Variants in ROBO2 observed in about 807,000 individuals in gnomAD.
The protein encoded by ROBO2 is roundabout homolog 2.
In ROBO2, 53 loss-of-function variants were observed where a neutral mutation model predicts 160.8. That is an observed-to-expected ratio of 0.33 (90% CI 0.26 to 0.41). ROBO2 has a LOEUF of 0.41. Ranked by LOEUF, ROBO2 falls within the 10% of genes least tolerant of loss-of-function variation. ROBO2 has a pLI of 1.00. For missense variants in ROBO2, 1,577 were observed against 1,722.4 expected, an observed-to-expected ratio of 0.92 and a Z score of 1.49; for synonymous variants, 664 against 611.7, an observed-to-expected ratio of 1.09 and a Z score of -1.26.
chr3:77,522,687 G>A, intron 5 of ROBO2, 88 bp from the exon 6 acceptor site: 1 of 1,378,162 alleles, frequency 7.3e-7, no homozygotes. Flanking sequence ...GTAAAATACA[G>A]TATAAAAAGA....
intron 2 of ROBO2, among the ~76,000 whole-genome samples, chr3:76,266,936 A>G (rs1198332902): frequency 3.3e-5 from 5 of 152,162 alleles, no homozygotes; most frequent in African/African-American, 1.2e-4. Context: ...CTGTGCATTC[A>G]ATTAGATATT....
At chr3:76,876,959 C>T (rs2072801574) in intron 2 of ROBO2, among the ~76,000 whole-genome samples, 1 of 151,938 alleles carries the variant, frequency 6.6e-6, no homozygotes, top group Non-Finnish European at 1.5e-5. Flanking sequence ...CTAGAGGATA[C>T]TATCATTTTT....
chr3:77,423,358 T>G (rs1350202984), intron 2 of ROBO2, among the ~76,000 whole-genome samples: 1 of 152,154 alleles, frequency 6.6e-6, no homozygotes, highest in Non-Finnish European at 1.5e-5. Context: ...GCTTTCAAAG[T>G]AGTTGCAGAA....
At chr3:76,176,051 GT>G (rs1483123630) in intron 2 of ROBO2, among the ~76,000 whole-genome samples, 1 of 151,902 alleles carries the variant, frequency 6.6e-6, no homozygotes, top group Non-Finnish European at 1.5e-5. Flanking sequence ...TGTCAAAAAT[GT>G]TTTATGGAAA....
chr3:76,459,897 C>T (rs2077989415), intron 2 of ROBO2, among the ~76,000 whole-genome samples: 1 of 152,024 alleles, frequency 6.6e-6, no homozygotes, highest in Non-Finnish European at 1.5e-5. Context: ...ATAATAACTT[C>T]TCCAAATGTG....
At chr3:76,471,420 A>T (rs949423099) in intron 2 of ROBO2, among the ~76,000 whole-genome samples, 120 of 152,240 alleles carry the variant, frequency 7.9e-4, no homozygotes, top group African/African-American at 2.7e-3. Context: ...TTACTCATAA[A>T]CTACAAGGGA....
intron 2 of ROBO2, among the ~76,000 whole-genome samples, chr3:76,680,699 G>C (rs1192443093): frequency 2.0e-5 from 3 of 151,958 alleles, no homozygotes; most frequent in Non-Finnish European, 4.4e-5. Flanking sequence ...AAATATTGTT[G>C]TCAAATATCA....
At chr3:77,200,385 C>A (rs2082792534) in intron 2 of ROBO2, among the ~76,000 whole-genome samples, 1 of 140,042 alleles carries the variant, frequency 7.1e-6, no homozygotes, top group South Asian at 2.4e-4. Flanking sequence ...AATCTGGTTA[C>A]TTTTGGTAGG....
At chr3:77,531,213 G>C (rs2091699823) in intron 6 of ROBO2, among the ~76,000 whole-genome samples, 1 of 152,102 alleles carries the variant, frequency 6.6e-6, no homozygotes, top group Admixed American at 6.6e-5. Flanking sequence ...TTCACAACTT[G>C]ATGGAAACTT....
chr3:76,388,044 C>T (rs938839218), intron 2 of ROBO2, among the ~76,000 whole-genome samples: 2 of 152,084 alleles, frequency 1.3e-5, no homozygotes, highest in South Asian at 2.1e-4. Context: ...GAGTTTCTTC[C>T]GGTAAACATA....
chr3:76,058,899 G>A (rs1469922633), intron 2 of ROBO2, among the ~76,000 whole-genome samples: 2 of 148,328 alleles, frequency 1.3e-5, no homozygotes, highest in South Asian at 2.1e-4. Flanking sequence ...AACATGTGGT[G>A]TTTGGTTTTT....
intron 2 of ROBO2, among the ~76,000 whole-genome samples, chr3:77,471,303 AG>A (rs2083325108): frequency 6.6e-6 from 1 of 152,228 alleles, no homozygotes; most frequent in East Asian, 1.9e-4. Flanking sequence ...GGGGTGGGAA[AG>A]GATATGGGAT....
intron 2 of ROBO2, among the ~76,000 whole-genome samples, chr3:76,955,271 G>A (rs777518321): frequency 1.3e-5 from 2 of 152,060 alleles, no homozygotes; most frequent in Non-Finnish European, 2.9e-5. Flanking sequence ...TCCACTCATG[G>A]CTTGAGTTGC....
At chr3:77,522,953 G>T (rs780548335) in intron 6 of ROBO2, 51 bp downstream of exon 6, 2 of 1,600,370 alleles carry the variant, frequency 1.2e-6, no homozygotes, top group Non-Finnish European at 1.7e-6. Context: ...CTAATATTTG[G>T]TTAAATTGGT....
At chr3:76,421,981 C>T (rs7619230) in intron 2 of ROBO2, among the ~76,000 whole-genome samples, 99,820 of 151,516 alleles carry the variant, frequency 0.66, 33,599 homozygotes, top group African/African-American at 0.82. Context: ...CTGACATGCA[C>T]ATATTGAGTA....
intron 2 of ROBO2, among the ~76,000 whole-genome samples, chr3:76,999,174 A>C (rs1251901406): frequency 6.6e-6 from 1 of 151,896 alleles, no homozygotes; most frequent in Non-Finnish European, 1.5e-5. Flanking sequence ...TTAACTGTAA[A>C]ATGAGTAATG....
intron 2 of ROBO2, among the ~76,000 whole-genome samples, chr3:77,271,926 A>G (rs1335080736): frequency 6.6e-6 from 1 of 152,164 alleles, no homozygotes; most frequent in Admixed American, 6.6e-5. Context: ...TGAGTGGTGG[A>G]TAGTGGTTGG....
At chr3:76,636,433 AG>A (rs1310202326) in intron 2 of ROBO2, among the ~76,000 whole-genome samples, 1 of 152,176 alleles carries the variant, frequency 6.6e-6, no homozygotes, top group African/African-American at 2.4e-5. Context: ...CCCAAATTAA[AG>A]GGCATTTATT....
chr3:76,192,524 C>CACA (rs1702058183), intron 2 of ROBO2, among the ~76,000 whole-genome samples: 4 of 130,084 alleles, frequency 3.1e-5, no homozygotes, highest in African/African-American at 2.9e-5. Context: ...CAACACTCCA[C>CACA]CACACACACA....
Sources: gnomAD v4.1 joint callset for allele counts (sites outside exome capture counted in the v4.1 genomes callset) on GRCh38, gnomAD v4.1.1 for gene constraint, MANE v1.5 for transcripts, NCBI Gene and HGNC (gene_info 2026-07-23, HGNC 2026-07-21) for gene names.